The following NFE2L3 variants were observed in gnomAD, a reference collection of about 807,000 sequenced individuals.
The protein encoded by NFE2L3 is NFE2 like bZIP transcription factor 3.
A neutral mutation model predicts 23.5 loss-of-function variants in NFE2L3; 18 were observed. The ratio of observed to expected loss-of-function variants is 0.77; its 90% CI spans 0.53 to 1.13. The LOEUF (loss-of-function observed/expected upper bound fraction) is 1.13, where lower values mean the gene tolerates loss of function less well. Among genes scored for constraint, NFE2L3 ranks in the 50% most tolerant of loss-of-function variants. The probability of loss-of-function intolerance (pLI) is 0.00; values close to 1 mark genes in which losing one functional copy is unlikely to be tolerated. For synonymous variants in NFE2L3, 424 were observed against 354.5 expected (o/e 1.20, Z -2.20); for missense variants, 1,152 against 877.2 (o/e 1.31, Z -3.96).
intron 1 of NFE2L3, among the ~76,000 whole-genome samples, chr7:26,161,619 G>C (rs1784175490): frequency 6.6e-6 from 1 of 152,076 alleles, no homozygotes; most frequent in Non-Finnish European, 1.5e-5. Flanking sequence ...GGAGTGTCTG[G>C]CTGAAAGCCC....
At chr7:26,184,510 A>C (rs1004382198) in intron 3 of NFE2L3, 23 bp from the exon 4 acceptor site, 3 of 1,584,512 alleles carry the variant, frequency 1.9e-6, no homozygotes, top group Admixed American at 1.8e-5. Context: ...TCATGTTTGA[A>C]GTGTTTCTCC....
At chr7:26,165,555 G>C (rs975231890) in intron 1 of NFE2L3, among the ~76,000 whole-genome samples, 4 of 152,180 alleles carry the variant, frequency 2.6e-5, no homozygotes, top group Non-Finnish European at 4.4e-5. Context: ...GGGCTGAGAC[G>C]ATGGGATTTT....
rs1347643170 is a variant in NFE2L3 at position 26,152,261 on chromosome 7, CCTT to C, written c.-233_-231del. 8.7e-6 allele frequency: 2 copies of C among 231,128 alleles called. No homozygotes were observed. The highest frequency in any genetic ancestry group is 1.0e-4 in the East Asian group (1 of 9,812). 14.3% of individuals were successfully genotyped at this position (231,128 alleles called of 1,614,324 possible). A position where few individuals can be genotyped will look rare whatever the true frequency, so the allele number is the denominator to read the frequency against. On this transcript the variant is annotated 5_prime_UTR_variant, in exon 1 of 4. Transcript: ENST00000056233. This position sits in a 1 kb window ranked among gnomAD's most constrained non-coding sequence, Gnocchi z 4.4. ...GAACGGGCTCGGCGCTCAGGTGGCT[CCTT>C]CTTCGCTTCTCCCGATCCCCGGCGG...
chr7:26,185,269 G>A lies in NFE2L3; in HGVS notation c.1571G>A (p.Arg524Lys), dbSNP rs1000778681. 1.2e-6 allele frequency: 2 copies of A among 1,613,942 alleles called. No homozygotes were observed. Among genetic ancestry groups the A allele is most frequent in the Non-Finnish European group, 1.7e-6 (2 of 1,179,994 alleles). The change falls in exon 4 of 4, where the codon AGG becomes AAG. Residue 524 changes from arginine to lysine, a missense_variant. By Grantham distance (26) the Arg-to-Lys change is conservative (BLOSUM62 2). Transcript: ENST00000056233. ...TGGCCTGGGAAGTCACAGAAGATAA[G>A]GAGTAGATACCTTGAAGACACAGAT... ...FPWPGKSQKI[R>K]SRYLEDTDRN...
Position 26,185,056 on chromosome 7 carries a change from A to G in NFE2L3, c.1358A>G (p.His453Arg), listed in dbSNP as rs1289140723. The G allele has an allele frequency of 4.3e-6, 7 of 1,613,672 alleles. No homozygotes were observed. The highest frequency in any genetic ancestry group is 1.3e-5 in the African/African-American group (1 of 74,908). ...DEGAIGYCTD[H>R]ESSSHHDLEG... ...GGTGCTATAGGTTATTGCACTGACC[A>G]TGAATCTAGTTCCCATCATGACTTA... is the stretch of plus-strand genomic sequence containing the variant. Residue 453 changes from histidine (H) to arginine (R), a missense_variant, in exon 4 of 4, where the codon CAT (histidine) becomes CGT (arginine). Coordinates refer to ENST00000056233, the MANE Select transcript of NFE2L3 (RefSeq NM_004289.7).
chr7:26,163,562 G>A (rs1409632591), intron 1 of NFE2L3, among the ~76,000 whole-genome samples: 1 of 152,148 alleles, frequency 6.6e-6, no homozygotes, highest in Non-Finnish European at 1.5e-5. Flanking sequence ...GACCAGGCTG[G>A]TCTTGAACTC....
Position 26,185,565 on chromosome 7 carries a change from G to A in NFE2L3, c.1867G>A (p.Glu623Lys). The A allele has an allele frequency of 6.2e-7, 1 of 1,613,730 alleles. No individual in the cohort carries two copies. Among genetic ancestry groups the A allele is most frequent in the Non-Finnish European group, 8.5e-7 (1 of 1,179,752 alleles). The change falls in exon 4 of 4, where the codon GAG becomes AAG. Residue 623 changes from glutamate to lysine, a missense_variant. By Grantham distance (56) the Glu-to-Lys change is moderately conservative. Coordinates refer to ENST00000056233, the MANE Select transcript of NFE2L3 (RefSeq NM_004289.7). ...LQAKKETLKR[E>K]QAQCNKAINI... ...AGCAAAGAAGGAAACTCTTAAGAGA[G>A]AGCAAGCACAATGTAACAAAGCTAT...
At chr7:26,173,074 C>G (rs1182967612) in intron 1 of NFE2L3, among the ~76,000 whole-genome samples, 1 of 151,874 alleles carries the variant, frequency 6.6e-6, no homozygotes, top group Admixed American at 6.6e-5. Context: ...CTCATTGATT[C>G]TTTTATTCAA....
At chr7:26,176,520 C>T (rs1784409591) in intron 1 of NFE2L3, among the ~76,000 whole-genome samples, 1 of 120,000 alleles carries the variant, frequency 8.3e-6, no homozygotes, top group Admixed American at 8.3e-5. Flanking sequence ...GGCAGCCGGG[C>T]AGAGGCGCTC....
intron 1 of NFE2L3, among the ~76,000 whole-genome samples, chr7:26,162,917 G>A (rs796503666): frequency 1.6e-4 from 25 of 152,064 alleles, no homozygotes; most frequent in African/African-American, 5.6e-4. Context: ...TCACCATGTT[G>A]CCCAGGGTGG....
intron 1 of NFE2L3, among the ~76,000 whole-genome samples, chr7:26,154,343 A>G (rs1347396965): frequency 2.0e-5 from 3 of 152,170 alleles, no homozygotes; most frequent in African/African-American, 7.2e-5. Flanking sequence ...GTACTTGTGC[A>G]CTACCACCAT....
intron 1 of NFE2L3, among the ~76,000 whole-genome samples, chr7:26,170,847 C>G (rs1431933822): frequency 1.3e-5 from 2 of 152,158 alleles, no homozygotes; most frequent in African/African-American, 4.8e-5. Context: ...TCACTTGAGC[C>G]TAGAAGTTTT....
intron 1 of NFE2L3, among the ~76,000 whole-genome samples, chr7:26,170,501 G>T (rs559012359): frequency 6.6e-6 from 1 of 152,192 alleles, no homozygotes; most frequent in Admixed American, 6.5e-5. Context: ...AGGTAGGTGG[G>T]GTGTGAGGAA....
chr7:26,182,318 A>AT (rs1347482221), intron 2 of NFE2L3, among the ~76,000 whole-genome samples: 3 of 133,118 alleles, frequency 2.3e-5, no homozygotes, highest in African/African-American at 1.1e-4. Flanking sequence ...TCATTTAAGC[A>AT]TGAAGGCAAA....
chr7:26,161,794 C>G (rs1002514887), intron 1 of NFE2L3, among the ~76,000 whole-genome samples: 1 of 151,964 alleles, frequency 6.6e-6, no homozygotes, highest in African/African-American at 2.4e-5. Context: ...GAATGGGGAT[C>G]TAGCATGCAA....
At chr7:26,160,747 T>A (rs892466718) in intron 1 of NFE2L3, among the ~76,000 whole-genome samples, 2 of 152,268 alleles carry the variant, frequency 1.3e-5, no homozygotes, top group East Asian at 3.8e-4. Context: ...GCTAACCACA[T>A]GTACAGAATA....
intron 2 of NFE2L3, among the ~76,000 whole-genome samples, chr7:26,181,931 G>GATATATGCAAAATATGA (rs2128100109): frequency 6.6e-6 from 1 of 152,230 alleles, no homozygotes; most frequent in East Asian, 1.9e-4. Flanking sequence ...ATATACCAGA[G>GATATATGCAAAATATGA]AAGATGCAAA....
intron 1 of NFE2L3, among the ~76,000 whole-genome samples, chr7:26,169,125 T>C (rs1784297844): frequency 6.6e-6 from 1 of 152,228 alleles, no homozygotes; most frequent in Admixed American, 6.5e-5. Context: ...CGTAGGCCTT[T>C]TTTACTTTGT....
chr7:26,171,688 G>C (rs1220577074), intron 1 of NFE2L3, among the ~76,000 whole-genome samples: 1 of 151,918 alleles, frequency 6.6e-6, no homozygotes, highest in African/African-American at 2.4e-5. Flanking sequence ...ACCATAACTT[G>C]CAGTTATTTC....
Sources: allele counts gnomAD v4.1 joint callset (sites outside exome capture counted in the v4.1 genomes callset), GRCh38; gene constraint gnomAD v4.1.1; non-coding constraint Gnocchi (gnomAD v3.1); transcripts MANE v1.5; gene names NCBI Gene and HGNC (gene_info 2026-07-23, HGNC 2026-07-21).